Variants in LINGO1 observed in about 807,000 individuals in gnomAD.
LINGO1 encodes leucine rich repeat and Ig domain containing 1.
Under a neutral mutation model 37.3 loss-of-function variants are expected in LINGO1, and 11 were observed. The observed-to-expected ratio is 0.29, with a 90% CI of 0.19 to 0.49. LINGO1 has a LOEUF of 0.49. Among genes scored for constraint, LINGO1 ranks in the 20% least tolerant of loss-of-function variants. The pLI, the probability that LINGO1 is intolerant of heterozygous loss-of-function variation, is 0.99. For synonymous variants in LINGO1, 387 were observed against 403.0 expected (o/e 0.96, Z 0.48); for missense variants, 585 against 878.2 (o/e 0.67, Z 4.22).
chr15:77,732,243 C>T (rs1417130943), intron 2 of LINGO1, among the ~76,000 whole-genome samples: 1 of 152,198 alleles, frequency 6.6e-6, no homozygotes, highest in Non-Finnish European at 1.5e-5. Flanking sequence ...TGCCCAGGAC[C>T]AGAGGGCTGG....
At chr15:77,688,664 G>A (rs531908662) in intron 2 of LINGO1, among the ~76,000 whole-genome samples, 5 of 152,264 alleles carry the variant, frequency 3.3e-5, no homozygotes, top group South Asian at 2.1e-4. Context: ...TTCATTTCCC[G>A]CCACGGTTGG....
At chr15:77,733,357 C>T (rs2076171761) in intron 2 of LINGO1, among the ~76,000 whole-genome samples, 1 of 152,210 alleles carries the variant, frequency 6.6e-6, no homozygotes, top group Non-Finnish European at 1.5e-5. Context: ...CCCAGGGGCT[C>T]CCTCTCACAA....
rs1014693766 is a variant in LINGO1, at chr15:77,632,753, G to A, written c.-438C>T. ...TGCTCGGCGCCCCGCGTCGGGAGAG[G>A]GGCCGGAGCGGCGCGGGTGGGGACT... On this transcript the variant is annotated 5_prime_UTR_variant, in exon 1 of 2. Coordinates refer to ENST00000355300, the MANE Select transcript of LINGO1 (RefSeq NM_032808.7). The surrounding 1 kb of genome is among the most constrained non-coding windows in gnomAD (Gnocchi z 6.0). Among the ~76,000 whole-genome samples, 15 of 146,142 alleles carry A rather than the reference G, an allele frequency of 1.0e-4. No individual in the cohort carries two copies. Among genetic ancestry groups the A allele is most frequent in the Non-Finnish European group, 2.1e-4 (14 of 65,756 alleles).
intron 2 of LINGO1, among the ~76,000 whole-genome samples, chr15:77,795,084 C>G (rs908606707): frequency 6.6e-6 from 1 of 152,126 alleles, no homozygotes; most frequent in Non-Finnish European, 1.5e-5. Context: ...TGCCCTGAGC[C>G]CACCCCACCG....
intron 1 of LINGO1, among the ~76,000 whole-genome samples, chr15:77,780,310 C>T (rs1158919167): frequency 6.6e-6 from 1 of 152,118 alleles, no homozygotes; most frequent in Non-Finnish European, 1.5e-5. Flanking sequence ...ACATGGCAGG[C>T]GTGTGGGTCT....
intron 1 of LINGO1, among the ~76,000 whole-genome samples, chr15:77,776,514 C>G (rs867011857): frequency 0.11 from 7,987 of 73,170 alleles, 443 homozygotes; most frequent in South Asian, 0.19. Flanking sequence ...GGCAGGAAGG[C>G]AGGAAGGGAG....
At chr15:77,760,152 C>T (rs188194414) in intron 1 of LINGO1, among the ~76,000 whole-genome samples, 3 of 152,360 alleles carry the variant, frequency 2.0e-5, no homozygotes, top group African/African-American at 7.2e-5. Context: ...ATTCCACACA[C>T]CTGATGACTC....
intron 3 of LINGO1, among the ~76,000 whole-genome samples, chr15:77,675,662 C>T (rs945222342): frequency 2.0e-5 from 3 of 152,062 alleles, no homozygotes; most frequent in African/African-American, 4.8e-5. Flanking sequence ...GCTTGAACCG[C>T]ATGCTTTAAA....
At chr15:77,784,530 T>C (rs1423843763) in intron 1 of LINGO1, 1 of 152,300 alleles carries the variant, frequency 6.6e-6, no homozygotes, top group Non-Finnish European at 1.5e-5. Flanking sequence ...CAATATCCAC[T>C]GCGCACTTTT....
chr15:77,804,005 CTG>C (rs2076939929), intron 1 of LINGO1, among the ~76,000 whole-genome samples: 1 of 152,132 alleles, frequency 6.6e-6, no homozygotes, highest in Non-Finnish European at 1.5e-5. Flanking sequence ...GGCCTGGGGG[CTG>C]GAACACCTAG....
At chr15:77,739,810 G>A (rs2076242264) in intron 1 of LINGO1, among the ~76,000 whole-genome samples, 1 of 152,266 alleles carries the variant, frequency 6.6e-6, no homozygotes, top group South Asian at 2.1e-4. Context: ...CACAAAGGGA[G>A]CACAGCGGTG....
chr15:77,682,229 A>C (rs1306589746), intron 2 of LINGO1, among the ~76,000 whole-genome samples: 6 of 150,402 alleles, frequency 4.0e-5, no homozygotes, highest in Middle Eastern at 3.2e-3. Context: ...CCTTTCTGGG[A>C]CTGGTTCCCT....
intron 1 of LINGO1, among the ~76,000 whole-genome samples, chr15:77,786,008 C>T (rs940807634): frequency 3.3e-5 from 5 of 152,134 alleles, no homozygotes; most frequent in South Asian, 2.1e-4. Flanking sequence ...GGGAGTACAA[C>T]GCCTCCGTGA....
chr15:77,747,141 C>G lies in LINGO1; in HGVS notation c.-256-12088G>C, dbSNP rs529664654. Among the ~76,000 whole-genome samples the G allele has an allele frequency of 2.8e-3, 426 of 152,308 alleles. 3 individuals are homozygous for G. Among genetic ancestry groups the G allele is most frequent in the African/African-American group, 9.7e-3 (404 of 41,570 alleles). On this transcript the variant is annotated intron_variant, in intron 1 of 3. Coordinates refer to the LINGO1 transcript ENST00000561686. The stretch of plus-strand genomic sequence containing the variant: ...AAGAAGAATACCCAACCACCCTATC[C>G]GCAGGCCCAGGACTGCTCCTCCAGA...
upstream of LINGO1, among the ~76,000 whole-genome samples, chr15:77,699,771 T>TCACCTGCACACAGCA (rs1567532365): frequency 1.0e-4 from 9 of 89,100 alleles, no homozygotes; most frequent in East Asian, 3.5e-4. Flanking sequence ...ATACTAACCA[T>TCACCTGCACACAGCA]CATTCCCCCC....
At chr15:77,712,993 C>T (rs879293441) in intron 2 of LINGO1, among the ~76,000 whole-genome samples, 5 of 152,118 alleles carry the variant, frequency 3.3e-5, no homozygotes, top group African/African-American at 4.8e-5. Flanking sequence ...ATCTGCCATC[C>T]TTTAAAAATC....
chr15:77,708,609 C>T (rs941619240), intron 2 of LINGO1, among the ~76,000 whole-genome samples: 3 of 152,206 alleles, frequency 2.0e-5, no homozygotes, highest in African/African-American at 7.2e-5. Flanking sequence ...TGTTCTTATA[C>T]AAGAAGTCAA....
At chr15:77,801,601 T>C (rs1423373788) in intron 1 of LINGO1, among the ~76,000 whole-genome samples, 2 of 152,056 alleles carry the variant, frequency 1.3e-5, no homozygotes, top group African/African-American at 4.8e-5. Context: ...GGGTTTTTTT[T>C]TTTTAATCCT....
upstream of LINGO1, among the ~76,000 whole-genome samples, chr15:77,637,104 A>C (rs2074411913): frequency 6.6e-6 from 1 of 152,152 alleles, no homozygotes; most frequent in Non-Finnish European, 1.5e-5. This position sits in a 1 kb window ranked among gnomAD's most constrained non-coding sequence, Gnocchi z 4.6. Context: ...GAGTATCTTA[A>C]AGGAAAGTCC....
Sources: gnomAD v4.1 joint callset for allele counts (sites outside exome capture counted in the v4.1 genomes callset) on GRCh38, gnomAD v4.1.1 for gene constraint, Gnocchi (gnomAD v3.1) non-coding constraint, MANE v1.5 for transcripts, NCBI Gene and HGNC (gene_info 2026-07-23, HGNC 2026-07-21) for gene names.